The following ZNF90 variants were observed in gnomAD, a reference collection of about 807,000 sequenced individuals.
ZNF90 encodes zinc finger protein 90, also known as zinc finger protein HTF9.
In ZNF90, 11 loss-of-function variants were observed where a neutral mutation model predicts 12.0. That is an observed-to-expected ratio of 0.92 (90% confidence interval 0.58 to 1.52). The LOEUF (loss-of-function observed/expected upper bound fraction) is 1.52. Among genes scored for constraint, ZNF90 ranks in the 40% most tolerant of loss-of-function variants. The pLI is 0.00. For synonymous variants in ZNF90, 232 were observed against 240.1 expected (o/e 0.97, Z 0.31); for missense variants, 765 against 711.5 (o/e 1.08, Z -0.86).
chr19:20,080,188 A>G (rs934100511), intron 1 of ZNF90: 1 of 511,216 alleles, frequency 2.0e-6, no homozygotes, highest in Admixed American at 2.5e-5. Flanking sequence ...CAGGGGCAGC[A>G]CATAATGGGA....
rs536372458 is a variant in ZNF90, at chr19:20,096,013, G to A, written c.4-8226G>A. 5.3e-5 allele frequency among the ~76,000 whole-genome samples: 8 copies of A among 152,304 alleles called. No individual in the cohort carries two copies. The South Asian group carries it at 1.5e-3, about 28-fold the overall frequency. ...AAGGCTGCCTTCCCAGTCCGTGACC[G>A]GTGCCGGAGTTTTGGGTCCATGGAT... is the stretch of plus-strand genomic sequence containing the variant. On this transcript the variant is annotated intron_variant, in intron 1 of 3. Transcript: ENST00000418063.
intron 1 of ZNF90, among the ~76,000 whole-genome samples, chr19:20,096,737 G>C (rs1435278922): frequency 2.0e-5 from 3 of 152,176 alleles, no homozygotes; most frequent in Non-Finnish European, 2.9e-5. Context: ...ATACGTGCAG[G>C]TCACAGGGGA....
chr19:20,089,081 A>G (rs1230831593), intron 1 of ZNF90, among the ~76,000 whole-genome samples: 1 of 152,172 alleles, frequency 6.6e-6, no homozygotes, highest in Non-Finnish European at 1.5e-5. Context: ...TAAAGTAAAA[A>G]GATGAGAAGG....
chr19:20,113,568 G>A (rs1267283545), intron 3 of ZNF90, among the ~76,000 whole-genome samples: 17 of 151,422 alleles, frequency 1.1e-4, no homozygotes, highest in African/African-American at 3.9e-4. Flanking sequence ...GGTGGCTCAC[G>A]ATTGTAATCC....
In ZNF90 at chr19:20,113,784, C is replaced by T. The variant is rs534699782; in HGVS notation, c.227-3997C>T. ...CAGAGCTTGCAGTGAGCGGAGATCG[C>T]GCCACTGCACTCCAGCCTGAGGGAC... On this transcript the variant is annotated intron_variant, in intron 3 of 3. Transcript: ENST00000418063. 5.9e-5 allele frequency among the ~76,000 whole-genome samples: 9 copies of T among 151,920 alleles called. 1 individual carries two copies. The South Asian group carries it at 1.9e-3, about 32-fold the overall frequency.
intron 3 of ZNF90, among the ~76,000 whole-genome samples, chr19:20,110,674 A>G (rs535560548): frequency 1.3e-5 from 2 of 152,256 alleles, no homozygotes; most frequent in South Asian, 4.2e-4. Flanking sequence ...TTTCATTTTT[A>G]TTGCATCATC....
intron 1 of ZNF90, among the ~76,000 whole-genome samples, chr19:20,103,900 G>A (rs575035316): frequency 5.3e-5 from 8 of 151,858 alleles, no homozygotes; most frequent in South Asian, 2.1e-4. Flanking sequence ...CTAAGTCACC[G>A]TGTCTTTTCT....
chr19:20,098,256 T>C (rs2088964013), intron 1 of ZNF90, among the ~76,000 whole-genome samples: 1 of 151,850 alleles, frequency 6.6e-6, no homozygotes, highest in African/African-American at 2.4e-5. Flanking sequence ...CAAAAAAGGG[T>C]GGGAGTTTGG....
chr19:20,117,383 T>C (rs1173673419), intron 3 of ZNF90, among the ~76,000 whole-genome samples: 3 of 130,292 alleles, frequency 2.3e-5, no homozygotes, highest in Admixed American at 2.3e-4. Context: ...TTTTCCTTTC[T>C]TTTCTTTTCT....
chr19:20,106,044 C>A (rs868991855), intron 3 of ZNF90, among the ~76,000 whole-genome samples: 12 of 71,044 alleles, frequency 1.7e-4, no homozygotes, highest in African/African-American at 4.8e-4. Flanking sequence ...CTAATTTTTT[C>A]TTTTTTTTTT....
chr19:20,090,355 C>T (rs1450411176), intron 1 of ZNF90, among the ~76,000 whole-genome samples: 4 of 151,794 alleles, frequency 2.6e-5, no homozygotes, highest in African/African-American at 7.3e-5. Context: ...TATTACTGTT[C>T]TTCAGAAATA....
chr19:20,103,774 A>C (rs1268359486), intron 1 of ZNF90, among the ~76,000 whole-genome samples: 2 of 152,002 alleles, frequency 1.3e-5, no homozygotes, highest in African/African-American at 4.8e-5. Flanking sequence ...ATTATTCGTG[A>C]GCTTGTTAGA....
chr19:20,112,441 C>T (rs1421938798), intron 3 of ZNF90, among the ~76,000 whole-genome samples: 3 of 152,024 alleles, frequency 2.0e-5, no homozygotes, highest in Non-Finnish European at 2.9e-5. Flanking sequence ...CTTGCCTCAG[C>T]GTCCTGACTA....
chr19:20,098,002 T>G (rs559054584), intron 1 of ZNF90, among the ~76,000 whole-genome samples: 5 of 152,358 alleles, frequency 3.3e-5, no homozygotes, highest in African/African-American at 1.2e-4. Context: ...TAACTGCTGC[T>G]AATCAAAGTG....
At chr19:20,107,055 TCTGA>T in intron 3 of ZNF90, 1 of 452,930 alleles carries the variant, frequency 2.2e-6, no homozygotes, top group South Asian at 1.6e-5. Context: ...TGAGTATGGC[TCTGA>T]CTGAGTACCA....
At chr19:20,083,735 A>G (rs2088838566) in intron 1 of ZNF90, among the ~76,000 whole-genome samples, 1 of 152,166 alleles carries the variant, frequency 6.6e-6, no homozygotes, top group Admixed American at 6.5e-5. Context: ...TTTATGTATC[A>G]TATTTTGTTT....
chr19:20,081,833 C>A (rs1230252009), intron 1 of ZNF90, among the ~76,000 whole-genome samples: 4 of 150,628 alleles, frequency 2.7e-5, no homozygotes, highest in African/African-American at 9.8e-5. Flanking sequence ...GGCGAGATCT[C>A]GGCTCACTGC....
rs782464204 is a variant in ZNF90 at position 20,089,533 on chromosome 19, A to G, written c.3+11398A>G. On this transcript the variant is annotated intron_variant, in intron 1 of 3. Transcript: ENST00000418063. ...GTAAAAGATTACCTAGGGGAATTCCAGTGGGTCTTTGCGGAGAGATACATA... is the reference window on the plus strand; with the variant it reads ...GTAAAAGATTACCTAGGGGAATTCCGGTGGGTCTTTGCGGAGAGATACATA... Among the ~76,000 whole-genome samples, 152 of 152,208 alleles carry G rather than the reference A, an allele frequency of 1.0e-3. 1 individual carries two copies. Among genetic ancestry groups the G allele is most frequent in the Admixed American group, 2.0e-3 (30 of 15,280 alleles).
chr19:20,104,391 C>A (rs1555704181), intron 2 of ZNF90, 26 bp downstream of exon 2: 1 of 1,597,512 alleles, frequency 6.3e-7, no homozygotes, highest in Admixed American at 1.8e-5. Flanking sequence ...ATACATAATT[C>A]ATAATATACC....
Sources: allele counts gnomAD v4.1 joint callset (sites outside exome capture counted in the v4.1 genomes callset), GRCh38; gene constraint gnomAD v4.1.1; transcripts MANE v1.5; gene names NCBI Gene and HGNC (gene_info 2026-07-23, HGNC 2026-07-21).